Variants in FOXO1 observed in about 807,000 individuals in gnomAD.
FOXO1 encodes forkhead box O1, also known as forkhead box protein O1.
FOXO1 carries 6 observed loss-of-function variants against 44.1 expected under a neutral mutation model. The ratio of observed to expected loss-of-function variants is 0.14; its 90% CI spans 0.07 to 0.27. The LOEUF (loss-of-function observed/expected upper bound fraction) is 0.27. Among genes scored for constraint, FOXO1 ranks in the 10% least tolerant of loss-of-function variants. FOXO1 has a pLI of 1.00. For synonymous variants in FOXO1, 380 were observed against 362.7 expected (o/e 1.05, Z -0.54); for missense variants, 737 against 888.8 (o/e 0.83, Z 2.17).
intron 1 of FOXO1, among the ~76,000 whole-genome samples, chr13:40,626,805 GAACA>G (rs1312287721): frequency 3.3e-5 from 5 of 152,270 alleles, no homozygotes; most frequent in Middle Eastern, 3.4e-3. Context: ...TAAAGCTAGA[GAACA>G]AACATTCCTC....
At chr13:40,616,319 C>A (rs893431839) in intron 1 of FOXO1, among the ~76,000 whole-genome samples, 7 of 151,834 alleles carry the variant, frequency 4.6e-5, no homozygotes, top group Admixed American at 4.6e-4. Flanking sequence ...ACACTGCACA[C>A]CCTGGCACAC....
chr13:40,618,962 A>C (rs1173668576), intron 1 of FOXO1: 1 of 524,282 alleles, frequency 1.9e-6, no homozygotes, highest in Non-Finnish European at 3.8e-6. Flanking sequence ...TGGGGTCAAC[A>C]AACAACTAGC....
At chr13:40,602,319 CCA>C (rs1406666398) in intron 1 of FOXO1, among the ~76,000 whole-genome samples, 6 of 152,060 alleles carry the variant, frequency 3.9e-5, no homozygotes, top group South Asian at 2.1e-4. Context: ...AGCCGGCTAT[CCA>C]CAGAGAAATT....
chr13:40,571,126 C>T (rs1240731003), intron 1 of FOXO1, among the ~76,000 whole-genome samples: 3 of 151,988 alleles, frequency 2.0e-5, no homozygotes, highest in Non-Finnish European at 4.4e-5. Context: ...TGGTGGATAT[C>T]CAGAGACTAA....
At chr13:40,658,181 T>C (rs1332896433) in intron 1 of FOXO1, among the ~76,000 whole-genome samples, 2 of 152,184 alleles carry the variant, frequency 1.3e-5, no homozygotes, top group Non-Finnish European at 2.9e-5. Context: ...CTGAGCAAGA[T>C]CTGCTGAATT....
At chr13:40,628,610 C>G (rs891743138) in intron 1 of FOXO1, among the ~76,000 whole-genome samples, 2 of 152,156 alleles carry the variant, frequency 1.3e-5, no homozygotes, top group Admixed American at 1.3e-4. Flanking sequence ...CGATCTAGAC[C>G]CAAATCTCAG....
intron 1 of FOXO1, among the ~76,000 whole-genome samples, chr13:40,597,188 C>G (rs1417653772): frequency 7.9e-6 from 1 of 126,590 alleles, no homozygotes; most frequent in African/African-American, 3.2e-5. Context: ...GCTTTAATAT[C>G]TAGTCTTTCC....
intron 1 of FOXO1, among the ~76,000 whole-genome samples, chr13:40,654,225 C>G (rs146620015): frequency 1.4e-5 from 2 of 147,030 alleles, no homozygotes; most frequent in South Asian, 4.3e-4. Context: ...TGCCTGTAAT[C>G]TCAGCACTTT....
At chr13:40,564,602 G>T (rs111685397) in intron 1 of FOXO1, among the ~76,000 whole-genome samples, 28 of 152,326 alleles carry the variant, frequency 1.8e-4, no homozygotes, top group African/African-American at 6.7e-4. Context: ...AGGCTGGATG[G>T]AAGAGCAGTT....
At chr13:40,650,598 T>G (rs548439580) in intron 1 of FOXO1, among the ~76,000 whole-genome samples, 1 of 152,074 alleles carries the variant, frequency 6.6e-6, no homozygotes, top group East Asian at 1.9e-4. Flanking sequence ...ACCCTGAGGG[T>G]CCACTCCTCA....
chr13:40,610,190 G>C (rs2137889724), intron 1 of FOXO1, among the ~76,000 whole-genome samples: 1 of 152,220 alleles, frequency 6.6e-6, no homozygotes, highest in Middle Eastern at 3.4e-3. Context: ...GGACATCCGG[G>C]GTGCTTTTTG....
intron 2 of FOXO1, 52 bp downstream of exon 2, chr13:40,559,457 C>T (rs976584585): frequency 6.7e-6 from 10 of 1,490,248 alleles, no homozygotes; most frequent in African/African-American, 5.6e-5. Context: ...CTGTGTTCCT[C>T]GCTTTTAAGT....
intron 1 of FOXO1, among the ~76,000 whole-genome samples, chr13:40,579,744 T>A (rs1874889843): frequency 6.6e-6 from 1 of 152,140 alleles, no homozygotes; most frequent in African/African-American, 2.4e-5. Context: ...GTTTCTAGGG[T>A]CACCACAATA....
intron 1 of FOXO1, among the ~76,000 whole-genome samples, chr13:40,661,604 G>T (rs1878039326): frequency 6.6e-6 from 1 of 151,748 alleles, no homozygotes; most frequent in African/African-American, 2.4e-5. Context: ...GCCTATCAAG[G>T]CTTTCTTTAA....
At chr13:40,664,717 C>A (rs1054302145) in intron 1 of FOXO1, among the ~76,000 whole-genome samples, 1 of 152,176 alleles carries the variant, frequency 6.6e-6, no homozygotes, top group African/African-American at 2.4e-5. Context: ...CGGGCGCTTC[C>A]CCGCATGGAG....
intron 1 of FOXO1, chr13:40,619,605 A>G (rs1876542351): frequency 1.3e-6 from 2 of 1,533,778 alleles, no homozygotes; most frequent in South Asian, 2.2e-5. Flanking sequence ...ATAGGCAACA[A>G]AGGTCATCTA....
At chr13:40,624,051 C>G (rs1163382889) in intron 1 of FOXO1, among the ~76,000 whole-genome samples, 1 of 151,342 alleles carries the variant, frequency 6.6e-6, no homozygotes, top group Non-Finnish European at 1.5e-5. Flanking sequence ...CTGTAATGAG[C>G]TGTGATCAAA....
At chr13:40,610,672 A>T (rs1593399043) in intron 1 of FOXO1, among the ~76,000 whole-genome samples, 2 of 152,234 alleles carry the variant, frequency 1.3e-5, no homozygotes, top group South Asian at 4.1e-4. Context: ...TTTTTATTTT[A>T]AATTTTTTTA....
chr13:40,583,185 C>T (rs1566067208), intron 1 of FOXO1, among the ~76,000 whole-genome samples: 2 of 152,208 alleles, frequency 1.3e-5, no homozygotes, highest in African/African-American at 4.8e-5. Flanking sequence ...TAGGTCTCAA[C>T]TGTGGGCTTA....
Sources: allele counts gnomAD v4.1 joint callset (sites outside exome capture counted in the v4.1 genomes callset), GRCh38; gene constraint gnomAD v4.1.1; transcripts MANE v1.5; gene names NCBI Gene and HGNC (gene_info 2026-07-23, HGNC 2026-07-21).